The following OCA2 variants were observed in gnomAD, a reference collection of about 807,000 sequenced individuals.
OCA2 encodes OCA2 melanosomal transmembrane protein, also known as P protein.
OCA2 carries 77 observed loss-of-function variants against 100.2 expected under a neutral mutation model. The ratio of observed to expected loss-of-function variants is 0.77; its 90% CI spans 0.64 to 0.93. The LOEUF (loss-of-function observed/expected upper bound fraction) is 0.93. OCA2 is among the 40% of genes least tolerant of loss of function. The probability of loss-of-function intolerance (pLI) is 0.00; values close to 1 mark genes in which losing one functional copy is unlikely to be tolerated. For synonymous variants in OCA2, 432 were observed against 439.2 expected, an observed-to-expected ratio of 0.98 and a Z score of 0.21; for missense variants, 1,062 against 1,089.1, an observed-to-expected ratio of 0.98 and a Z score of 0.35.
chr15:27,982,735 C>T (rs1324704309), intron 14 of OCA2, among the ~76,000 whole-genome samples: 3 of 152,130 alleles, frequency 2.0e-5, no homozygotes, highest in Non-Finnish European at 4.4e-5. Flanking sequence ...ACTGATGCCT[C>T]AGAGGAGGAA....
downstream of OCA2, among the ~76,000 whole-genome samples, chr15:27,751,350 T>C (rs192869002): frequency 3.1e-4 from 47 of 152,240 alleles, no homozygotes; most frequent in African/African-American, 1.1e-3. Context: ...TTGTTTCCTA[T>C]TACATGAGGA....
At chr15:27,997,894 G>A (rs1405674729) in intron 9 of OCA2, among the ~76,000 whole-genome samples, 3 of 131,880 alleles carry the variant, frequency 2.3e-5, no homozygotes, top group Non-Finnish European at 5.2e-5. Context: ...GGTCCTTCAC[G>A]TCCCTTGTAA....
chr15:27,837,579 A>G (rs987719906), intron 23 of OCA2, among the ~76,000 whole-genome samples: 32 of 152,330 alleles, frequency 2.1e-4, no homozygotes, highest in African/African-American at 7.2e-4. Context: ...GAGAAGAAAG[A>G]AATAAAAATT....
chr15:27,893,566 G>A (rs916856907), intron 19 of OCA2, among the ~76,000 whole-genome samples: 14 of 152,038 alleles, frequency 9.2e-5, no homozygotes, highest in Non-Finnish European at 2.1e-4. Context: ...TAATACCCTG[G>A]GAAAGGAATG....
chr15:27,951,283 G>A (rs540901170), intron 18 of OCA2, among the ~76,000 whole-genome samples: 2 of 152,300 alleles, frequency 1.3e-5, no homozygotes, highest in African/African-American at 2.4e-5. Flanking sequence ...AATGGTGGAC[G>A]GTGGGAGAAC....
At chr15:27,872,361 A>G (rs7163456) in intron 19 of OCA2, among the ~76,000 whole-genome samples, 2,395 of 152,346 alleles carry the variant, frequency 0.016, 57 homozygotes, top group African/African-American at 0.05. Context: ...TCAAAGAAAG[A>G]AAGGAAAAGT....
At chr15:27,788,393 C>T (rs2032920965) in intron 23 of OCA2, among the ~76,000 whole-genome samples, 1 of 151,976 alleles carries the variant, frequency 6.6e-6, no homozygotes, top group African/African-American at 2.4e-5. Context: ...TGTATATGAA[C>T]AGTTGTTATA....
chr15:27,721,331 G>A, the OCA2 span, among the ~76,000 whole-genome samples: 1 of 152,096 alleles, frequency 6.6e-6, no homozygotes, highest in Non-Finnish European at 1.5e-5. Context: ...TTGTGTCACT[G>A]CATTTCAACC....
chr15:28,066,764 A>C (rs2044036973), intron 2 of OCA2, among the ~76,000 whole-genome samples: 1 of 152,142 alleles, frequency 6.6e-6, no homozygotes, highest in African/African-American at 2.4e-5. Flanking sequence ...TAAACAGGAG[A>C]CATTTGCCAT....
At chr15:27,884,601 T>C (rs1313425034) in intron 19 of OCA2, among the ~76,000 whole-genome samples, 1 of 152,210 alleles carries the variant, frequency 6.6e-6, no homozygotes, top group African/African-American at 2.4e-5. Flanking sequence ...CTTCTTGTTA[T>C]GTTGTTCATT....
At chr15:27,801,883 A>G (rs1255058807) in intron 23 of OCA2, among the ~76,000 whole-genome samples, 3 of 152,080 alleles carry the variant, frequency 2.0e-5, no homozygotes, top group Non-Finnish European at 4.4e-5. Context: ...CCTGGCTACC[A>G]TCAGGAATAA....
rs796399492 is a variant in OCA2 at position 27,786,725 on chromosome 15, G to T, written c.2433-31253C>A. ...GTTCCATAGAATTTTCTATATACAGGATTCTGTCATTTGTAAATAAAAGCC... is the reference window on the plus strand; with the variant it reads ...GTTCCATAGAATTTTCTATATACAGTATTCTGTCATTTGTAAATAAAAGCC... On this transcript the variant is annotated intron_variant, in intron 23 of 23. Transcript: ENST00000354638. Among the ~76,000 whole-genome samples the T allele has an allele frequency of 2.0e-4, 31 of 152,076 alleles. 1 individual carries two copies. Among genetic ancestry groups the T allele is most frequent in the African/African-American group, 7.0e-4 (29 of 41,518 alleles).
chr15:27,923,524 G>A (rs1220766848), intron 19 of OCA2, among the ~76,000 whole-genome samples: 1 of 152,168 alleles, frequency 6.6e-6, no homozygotes, highest in East Asian at 1.9e-4. Context: ...ATTAGCATGT[G>A]TTATTTGTTG....
chr15:27,837,894 A>G (rs1460559663), intron 23 of OCA2, among the ~76,000 whole-genome samples: 2 of 152,026 alleles, frequency 1.3e-5, no homozygotes, highest in East Asian at 1.9e-4. Context: ...AAAAAAAAAA[A>G]AAAAAGAAAA....
intron 5 of OCA2, 23 bp from the exon 6 acceptor site, chr15:28,022,596 AT>A: frequency 6.3e-7 from 1 of 1,577,908 alleles, no homozygotes; most frequent in Non-Finnish European, 8.7e-7. Context: ...GAAACGTTGA[AT>A]GACAGAGGTG....
At chr15:27,805,742 G>C (rs2033813832) in intron 23 of OCA2, among the ~76,000 whole-genome samples, 1 of 152,148 alleles carries the variant, frequency 6.6e-6, no homozygotes, top group South Asian at 2.1e-4. Context: ...TGCACAGTGA[G>C]CGCTGCCTGG....
intron 23 of OCA2, among the ~76,000 whole-genome samples, chr15:27,819,054 T>C (rs1006540523): frequency 2.7e-4 from 41 of 152,108 alleles, no homozygotes; most frequent in African/African-American, 8.7e-4. Context: ...ACAAATAGGG[T>C]AAAACTCCTG....
At chr15:27,770,672 C>T (rs1299550451) in intron 23 of OCA2, among the ~76,000 whole-genome samples, 1 of 152,198 alleles carries the variant, frequency 6.6e-6, no homozygotes, top group African/African-American at 2.4e-5. Flanking sequence ...CCAAGATGGA[C>T]AGCGGTGGCT....
At chr15:27,825,667 C>T (rs2034692682) in intron 23 of OCA2, among the ~76,000 whole-genome samples, 1 of 152,154 alleles carries the variant, frequency 6.6e-6, no homozygotes, top group South Asian at 2.1e-4. Context: ...GTGATGTCCC[C>T]GGCCTCCATG....
Sources: gnomAD v4.1 joint callset for allele counts (sites outside exome capture counted in the v4.1 genomes callset) on GRCh38, gnomAD v4.1.1 for gene constraint, MANE v1.5 for transcripts, NCBI Gene and HGNC (gene_info 2026-07-23, HGNC 2026-07-21) for gene names.